Variants in DOCK7 observed in about 807,000 individuals in gnomAD.
DOCK7 encodes dedicator of cytokinesis protein 7.
A neutral mutation model predicts 271.0 loss-of-function variants in DOCK7; 138 were observed. The observed-to-expected ratio is 0.51, with a 90% CI of 0.44 to 0.59. The LOEUF is 0.59. Ranked by LOEUF, DOCK7 falls within the 20% of genes least tolerant of loss-of-function variation. DOCK7 has a pLI of 0.00. For missense variants in DOCK7, 2,066 were observed against 2,592.4 expected, an observed-to-expected ratio of 0.80 and a Z score of 4.41; for synonymous variants, 823 against 876.1, an observed-to-expected ratio of 0.94 and a Z score of 1.07.
chr1:62,661,938 T>C (rs1188392475), intron 2 of DOCK7, among the ~76,000 whole-genome samples: 11 of 152,330 alleles, frequency 7.2e-5, no homozygotes, highest in South Asian at 2.1e-4. Context: ...TCCATGTACA[T>C]TGAAATCAGC....
intron 1 of DOCK7, among the ~76,000 whole-genome samples, chr1:62,668,949 A>G (rs1659627876): frequency 6.6e-6 from 1 of 151,166 alleles, no homozygotes; most frequent in African/African-American, 2.4e-5. Flanking sequence ...AAAGGCTTCA[A>G]TTATTATTAC....
chr1:62,558,913 G>A, intron 20 of DOCK7, 76 bp downstream of exon 20: 1 of 954,252 alleles, frequency 1.0e-6, no homozygotes, highest in Non-Finnish European at 1.5e-6. Context: ...TAGAAATCAT[G>A]TTTTTTTTTT....
intron 14 of DOCK7, among the ~76,000 whole-genome samples, chr1:62,617,421 G>A (rs1411519878): frequency 2.6e-5 from 4 of 151,994 alleles, no homozygotes; most frequent in African/African-American, 2.4e-5. Flanking sequence ...TGGCTGCAAT[G>A]TTGAGAAGTG....
intron 48 of DOCK7, among the ~76,000 whole-genome samples, chr1:62,471,356 T>A (rs1370764199): frequency 6.6e-6 from 1 of 152,166 alleles, no homozygotes; most frequent in African/African-American, 2.4e-5. Flanking sequence ...CTACATACTG[T>A]GAGCCAATAA....
At chr1:62,587,698 T>C (rs541098265) in intron 14 of DOCK7, among the ~76,000 whole-genome samples, 27 of 152,242 alleles carry the variant, frequency 1.8e-4, no homozygotes, top group African/African-American at 5.3e-4. Flanking sequence ...GCCATATTTA[T>C]TGATGTGGAA....
At chr1:62,656,939 G>A (rs1571921572) in intron 2 of DOCK7, among the ~76,000 whole-genome samples, 1 of 152,288 alleles carries the variant, frequency 6.6e-6, no homozygotes, top group South Asian at 2.1e-4. Context: ...CTGTAACAAG[G>A]CATCCCAACT....
intron 48 of DOCK7, chr1:62,458,156 G>GGTGTGTGTGT (rs10609544): frequency 1.3e-5 from 2 of 152,934 alleles, no homozygotes; most frequent in Admixed American, 6.5e-5. Flanking sequence ...CTCAAACGTG[G>GGTGTGTGTGT]GTGTGTGTGT....
At chr1:62,499,187 G>A (rs1209477500) in intron 37 of DOCK7, among the ~76,000 whole-genome samples, 1 of 152,138 alleles carries the variant, frequency 6.6e-6, no homozygotes, top group Non-Finnish European at 1.5e-5. Flanking sequence ...CAAAATAACA[G>A]AAACATGTAT....
At chr1:62,507,117 C>T (rs2149326288) in intron 35 of DOCK7, among the ~76,000 whole-genome samples, 1 of 151,928 alleles carries the variant, frequency 6.6e-6, no homozygotes, top group South Asian at 2.1e-4. Context: ...CCATAAAATA[C>T]TTTTAAAGGA....
chr1:62,588,595 G>A (rs563856626), intron 14 of DOCK7, among the ~76,000 whole-genome samples: 1 of 152,186 alleles, frequency 6.6e-6, no homozygotes, highest in South Asian at 2.1e-4. Flanking sequence ...TAGCGCCTTA[G>A]TCATATTTAG....
At chr1:62,629,726 G>C (rs752287837) in intron 11 of DOCK7, 1 of 152,094 alleles carries the variant, frequency 6.6e-6, no homozygotes, top group African/African-American at 2.4e-5. Context: ...TAACATCATG[G>C]ATCAGTTCTT....
chr1:62,502,721 G>A (rs1646819497), intron 37 of DOCK7, among the ~76,000 whole-genome samples: 1 of 151,992 alleles, frequency 6.6e-6, no homozygotes, highest in African/African-American at 2.4e-5. Flanking sequence ...CCAAAACAAG[G>A]TAAACAGACC....
chr1:62,650,738 T>A (rs910601705), intron 4 of DOCK7, among the ~76,000 whole-genome samples: 1 of 152,022 alleles, frequency 6.6e-6, no homozygotes, highest in Non-Finnish European at 1.5e-5. Flanking sequence ...ATCAAAACCA[T>A]AATGAGACAC....
chr1:62,647,699 T>C lies in DOCK7; in HGVS notation c.810A>G (p.Leu270=), dbSNP rs780886417. 7.5e-6 allele frequency: 12 copies of C among 1,602,436 alleles called. No individual in the cohort carries two copies. The highest frequency in any genetic ancestry group is 3.5e-5 in the Admixed American group (2 of 57,914). ...HFGQRLLVKC[L]SLKFEIEIEP... ...AAGAAATAAATACTCACTTGAGTGA[T>C]AAGCATTTTACAAGAAGTCTTTGAC... The change falls in exon 7 of 50, where the codon TTA becomes TTG. Residue 270 remains leucine (L), a synonymous_variant. Coordinates refer to ENST00000635253, the MANE Select transcript of DOCK7 (RefSeq NM_001367561.1).
chr1:62,579,246 T>G (rs1255942193), intron 16 of DOCK7, among the ~76,000 whole-genome samples: 1 of 152,150 alleles, frequency 6.6e-6, no homozygotes, highest in African/African-American at 2.4e-5. Flanking sequence ...TCCTGAGATC[T>G]CCATTAGATT....
At chr1:62,506,988 G>A (rs1646960136) in intron 35 of DOCK7, among the ~76,000 whole-genome samples, 2 of 96,994 alleles carry the variant, frequency 2.1e-5, no homozygotes, top group Admixed American at 1.1e-4. Context: ...AAATAAAATA[G>A]AGTAGAGTCA....
At chr1:62,505,886 C>A (rs995492841) in intron 35 of DOCK7, 70 bp from the exon 36 acceptor site, 9 of 1,459,936 alleles carry the variant, frequency 6.2e-6, no homozygotes, top group African/African-American at 1.4e-5. Context: ...TACAGGCCTC[C>A]CTATGTATAA....
chr1:62,589,123 T>C (rs978887784), intron 14 of DOCK7, among the ~76,000 whole-genome samples: 1 of 152,224 alleles, frequency 6.6e-6, no homozygotes, highest in African/African-American at 2.4e-5. Context: ...GGAGTACATT[T>C]ATGAAGAGTG....
intron 31 of DOCK7, among the ~76,000 whole-genome samples, chr1:62,526,007 G>A (rs1384616918): frequency 6.6e-6 from 1 of 152,100 alleles, no homozygotes; most frequent in Non-Finnish European, 1.5e-5. Context: ...CACAATCCTG[G>A]CTCACTGCAA....
Sources: allele counts gnomAD v4.1 joint callset (sites outside exome capture counted in the v4.1 genomes callset), GRCh38; gene constraint gnomAD v4.1.1; transcripts MANE v1.5; gene names NCBI Gene and HGNC (gene_info 2026-07-23, HGNC 2026-07-21).